Variants in ADGRL2 observed in about 807,000 individuals in gnomAD.
ADGRL2 encodes adhesion G protein-coupled receptor L2, also known as calcium-independent alpha-latrotoxin receptor 2.
A neutral mutation model predicts 157.4 loss-of-function variants in ADGRL2; 44 were observed. That is an observed-to-expected ratio of 0.28 (90% CI 0.22 to 0.36). The LOEUF (loss-of-function observed/expected upper bound fraction) is 0.36. ADGRL2 is among the 10% of genes least tolerant of loss of function. ADGRL2 has a pLI of 1.00. For missense variants in ADGRL2, 1,510 were observed against 1,768.9 expected, an observed-to-expected ratio of 0.85 and a Z score of 2.63; for synonymous variants, 585 against 624.7, an observed-to-expected ratio of 0.94 and a Z score of 0.95.
intron 1 of ADGRL2, among the ~76,000 whole-genome samples, chr1:81,712,900 T>C (rs1034529776): frequency 1.3e-5 from 2 of 151,478 alleles, no homozygotes; most frequent in South Asian, 2.1e-4. Context: ...GTAGCTGGAC[T>C]GCAGGCATGC....
intron 15 of ADGRL2, 56 bp downstream of exon 15, chr1:81,969,443 G>T (rs748833760): frequency 6.7e-6 from 8 of 1,201,920 alleles, no homozygotes; most frequent in Middle Eastern, 1.9e-4. Flanking sequence ...TTTAGTAGGT[G>T]TGAGGTGACA....
chr1:81,767,072 G>A lies in ADGRL2; in HGVS notation c.-101+5220G>A, dbSNP rs12726534. On this transcript the variant is annotated intron_variant, in intron 2 of 20. Coordinates refer to the ADGRL2 transcript ENST00000359929. Reference sequence around the variant, plus strand: ...TTTCATCCTGAAATATATAATTGTTGTTTATGTTTTGCAACAATATGTAAA... The same window carrying A: ...TTTCATCCTGAAATATATAATTGTTATTTATGTTTTGCAACAATATGTAAA... Among the ~76,000 whole-genome samples, 5 of 151,718 alleles carry A rather than the reference G, an allele frequency of 3.3e-5. No individual in the cohort carries two copies. The East Asian group carries it at 9.7e-4, about 30-fold the overall frequency.
intron 23 of ADGRL2, among the ~76,000 whole-genome samples, chr1:81,989,460 C>T (rs1201659582): frequency 2.0e-5 from 3 of 152,114 alleles, no homozygotes; most frequent in African/African-American, 7.2e-5. Flanking sequence ...ACTTTGACCA[C>T]TAGAAGCCTG....
intron 2 of ADGRL2, among the ~76,000 whole-genome samples, chr1:81,558,318 A>C (rs1367663708): frequency 6.6e-6 from 1 of 152,320 alleles, no homozygotes; most frequent in Non-Finnish European, 1.5e-5. Context: ...TAATAACAAA[A>C]ATTATTTTCA....
chr1:81,960,015 G>T (rs1654823682), intron 11 of ADGRL2, among the ~76,000 whole-genome samples: 1 of 152,052 alleles, frequency 6.6e-6, no homozygotes, highest in South Asian at 2.1e-4. Flanking sequence ...GGTCAGGCTG[G>T]TCTCACACTC....
At chr1:81,410,288 G>A (rs527318302) in intron 1 of ADGRL2, among the ~76,000 whole-genome samples, 15 of 152,316 alleles carry the variant, frequency 9.8e-5, no homozygotes, top group Admixed American at 2.6e-4. Context: ...AGGGAAATTT[G>A]TATTAGGTCC....
chr1:81,501,902 T>C, intron 2 of ADGRL2: 1 of 1,612,626 alleles, frequency 6.2e-7, no homozygotes, highest in Non-Finnish European at 8.5e-7. Context: ...AGCCCAGTTC[T>C]TGTATGCCCA....
chr1:81,538,992 A>G (rs1416132166), intron 2 of ADGRL2, among the ~76,000 whole-genome samples: 1 of 134,632 alleles, frequency 7.4e-6, no homozygotes, highest in Non-Finnish European at 1.6e-5. Context: ...TGGGTGATAG[A>G]GTGAGACCCT....
chr1:81,720,117 C>T (rs1376768867), intron 1 of ADGRL2, among the ~76,000 whole-genome samples: 1 of 150,982 alleles, frequency 6.6e-6, no homozygotes, highest in Non-Finnish European at 1.5e-5. Context: ...AGTCGTATTA[C>T]AGACATTTTA....
intron 1 of ADGRL2, among the ~76,000 whole-genome samples, chr1:81,806,098 A>T (rs2089103751): frequency 6.6e-6 from 1 of 152,054 alleles, no homozygotes. Flanking sequence ...TAGCTCTGGG[A>T]GCAGGTAGTT....
At chr1:81,929,565 G>T (rs2095182691) in intron 3 of ADGRL2, among the ~76,000 whole-genome samples, 1 of 152,054 alleles carries the variant, frequency 6.6e-6, no homozygotes, top group Admixed American at 6.6e-5. Context: ...TCCATACTTT[G>T]CACTTGGTAA....
intron 1 of ADGRL2, among the ~76,000 whole-genome samples, chr1:81,741,770 GA>G (rs1383100917): frequency 1.3e-5 from 2 of 151,876 alleles, no homozygotes; most frequent in Non-Finnish European, 2.9e-5. Context: ...CCATGCCTCA[GA>G]ATTTCAAAAT....
chr1:81,861,503 G>A (rs77101879), intron 2 of ADGRL2, among the ~76,000 whole-genome samples: 1,762 of 152,246 alleles, frequency 0.012, 22 homozygotes, highest in African/African-American at 0.029. Context: ...AGGTGTTACC[G>A]TGCAGTGTTA....
intron 1 of ADGRL2, among the ~76,000 whole-genome samples, chr1:81,824,387 A>C (rs55909800): frequency 0.14 from 21,388 of 151,862 alleles, 1,666 homozygotes; most frequent in East Asian, 0.2. Flanking sequence ...CGATCCTTCC[A>C]TCTCAGCCTC....
rs72939015 is a variant in ADGRL2 at position 81,376,236 on chromosome 1, G to T, written c.-301-68800G>T. 8.7e-3 allele frequency among the ~76,000 whole-genome samples: 1,330 copies of T among 152,294 alleles called. 22 individuals carry two copies. The highest frequency in any genetic ancestry group is 0.031 in the African/African-American group (1,275 of 41,566). On this transcript the variant is annotated intron_variant, in intron 1 of 24. Transcript: ENST00000370721. ...CTAGTTATTGCTAACCTGTTCCAGAGAACCATTAGGCATTTTCCCAGCTGC... is the reference window on the plus strand; with the variant it reads ...CTAGTTATTGCTAACCTGTTCCAGATAACCATTAGGCATTTTCCCAGCTGC...
intron 6 of ADGRL2, among the ~76,000 whole-genome samples, chr1:81,949,639 G>C (rs954473345): frequency 1.3e-5 from 2 of 152,164 alleles, no homozygotes; most frequent in African/African-American, 4.8e-5. Context: ...CTTCTGTTTG[G>C]ATCTAATCAG....
intron 1 of ADGRL2, among the ~76,000 whole-genome samples, chr1:81,436,887 GC>G (rs1255663166): frequency 6.6e-6 from 1 of 152,066 alleles, no homozygotes; most frequent in African/African-American, 2.4e-5. Flanking sequence ...ATACAGAAGT[GC>G]TGACAAAAGT....
chr1:81,504,290 C>T (rs1026701663), intron 2 of ADGRL2, among the ~76,000 whole-genome samples: 4 of 152,118 alleles, frequency 2.6e-5, no homozygotes, highest in African/African-American at 9.7e-5. Context: ...CAGCCCTCCC[C>T]AGTCCTCCCC....
intron 1 of ADGRL2, among the ~76,000 whole-genome samples, chr1:81,409,832 A>G (rs2076918705): frequency 6.6e-6 from 1 of 152,214 alleles, no homozygotes; most frequent in Admixed American, 6.5e-5. Flanking sequence ...CCACTTCTGC[A>G]GGATTCATAG....
Sources: gnomAD v4.1 joint callset for allele counts (sites outside exome capture counted in the v4.1 genomes callset) on GRCh38, gnomAD v4.1.1 for gene constraint, MANE v1.5 for transcripts, NCBI Gene and HGNC (gene_info 2026-07-23, HGNC 2026-07-21) for gene names.